Variants in NOL4 observed in about 807,000 individuals in gnomAD.
The protein encoded by NOL4 is cancer/testis antigen 125.
In NOL4, 17 loss-of-function variants were observed where a neutral mutation model predicts 75.9. The ratio of observed to expected loss-of-function variants is 0.22; its 90% CI spans 0.15 to 0.34. NOL4 has a LOEUF of 0.34. Ranked by LOEUF, NOL4 falls within the 10% of genes least tolerant of loss-of-function variation. The probability of loss-of-function intolerance (pLI) is 1.00; values close to 1 mark genes in which losing one functional copy is unlikely to be tolerated. For missense variants in NOL4, 614 were observed against 793.5 expected, an observed-to-expected ratio of 0.77 and a Z score of 2.72; for synonymous variants, 292 against 289.9, an observed-to-expected ratio of 1.01 and a Z score of -0.07.
At chr18:34,144,847 A>C (rs1332244747) in intron 1 of NOL4, among the ~76,000 whole-genome samples, 1 of 151,968 alleles carries the variant, frequency 6.6e-6, no homozygotes, top group Non-Finnish European at 1.5e-5. Flanking sequence ...GTTCTCCATG[A>C]CTCTTCTCCT....
At chr18:34,094,643 A>T (rs901834866) in intron 4 of NOL4, among the ~76,000 whole-genome samples, 1 of 152,222 alleles carries the variant, frequency 6.6e-6, no homozygotes, top group Non-Finnish European at 1.5e-5. Context: ...AAACCTGTGC[A>T]AAATGTAAAT....
chr18:33,961,513 C>T (rs1397786144), intron 6 of NOL4, among the ~76,000 whole-genome samples: 1 of 152,078 alleles, frequency 6.6e-6, no homozygotes, highest in African/African-American at 2.4e-5. Flanking sequence ...GGATATTCAG[C>T]TTGCAGATAG....
In NOL4 at chr18:34,093,867, G is replaced by A. The variant is rs375372800; in HGVS notation, c.640-270C>T. Among the ~76,000 whole-genome samples, 10 of 151,982 alleles carry A rather than the reference G, an allele frequency of 6.6e-5. 1 individual carries two copies. The East Asian group carries it at 7.8e-4, about 12-fold the overall frequency. On this transcript the variant is annotated intron_variant, in intron 4 of 10. Coordinates refer to ENST00000261592, the MANE Select transcript of NOL4 (RefSeq NM_003787.5). ...ATCCTGGCTAACACGGTGAAACCCCGTCTCTACTAAAAATACAGAAAGAAA... is the reference window on the plus strand; with the variant it reads ...ATCCTGGCTAACACGGTGAAACCCCATCTCTACTAAAAATACAGAAAGAAA...
intron 9 of NOL4, among the ~76,000 whole-genome samples, chr18:33,909,444 C>T (rs550491249): frequency 3.3e-5 from 5 of 152,278 alleles, no homozygotes; most frequent in African/African-American, 7.2e-5. Context: ...ACATATCCCA[C>T]GATTACTTCC....
chr18:33,977,690 T>C (rs1304650983), intron 6 of NOL4, among the ~76,000 whole-genome samples: 2 of 152,198 alleles, frequency 1.3e-5, no homozygotes, highest in Non-Finnish European at 2.9e-5. Flanking sequence ...TAATATCTGG[T>C]TTGATATTTA....
intron 5 of NOL4, among the ~76,000 whole-genome samples, chr18:34,066,701 A>C (rs1033632621): frequency 6.6e-6 from 1 of 151,468 alleles, no homozygotes; most frequent in Non-Finnish European, 1.5e-5. Flanking sequence ...AAAAAAAAAA[A>C]CAACACTGAA....
chr18:33,914,600 T>C (rs2066603989), intron 9 of NOL4, among the ~76,000 whole-genome samples: 1 of 152,032 alleles, frequency 6.6e-6, no homozygotes, highest in Non-Finnish European at 1.5e-5. Flanking sequence ...ATAATTCAGA[T>C]GAGTCATGAT....
At chr18:34,156,927 C>T (rs2030517311) in intron 1 of NOL4, 1 of 152,250 alleles carries the variant, frequency 6.6e-6, no homozygotes, top group African/African-American at 2.4e-5. Context: ...CTCACTACAC[C>T]CCACTGTCCC....
intron 1 of NOL4, among the ~76,000 whole-genome samples, chr18:34,188,414 C>T (rs1326137172): frequency 1.3e-5 from 2 of 152,094 alleles, no homozygotes; most frequent in Non-Finnish European, 2.9e-5. Context: ...TATAGTGGGG[C>T]TATGTCCCAA....
chr18:33,884,485 G>A (rs1196913389), intron 9 of NOL4, among the ~76,000 whole-genome samples: 3 of 151,952 alleles, frequency 2.0e-5, no homozygotes, highest in East Asian at 3.9e-4. Context: ...GAAATAAAAC[G>A]TTTAAATTGC....
chr18:34,134,317 G>A (rs1350871879), intron 1 of NOL4, among the ~76,000 whole-genome samples: 1 of 151,612 alleles, frequency 6.6e-6, no homozygotes, highest in Non-Finnish European at 1.5e-5. Context: ...GTATGCTCAA[G>A]AGCAACCACT....
intron 5 of NOL4, among the ~76,000 whole-genome samples, chr18:34,025,798 C>A (rs535973611): frequency 6.6e-6 from 1 of 152,110 alleles, no homozygotes; most frequent in South Asian, 2.1e-4. Context: ...GGAGTTTGTG[C>A]GGAGAGAGAA....
intron 1 of NOL4, among the ~76,000 whole-genome samples, chr18:34,193,195 G>T (rs529263982): frequency 1.3e-5 from 2 of 152,006 alleles, no homozygotes; most frequent in East Asian, 3.9e-4. Flanking sequence ...TATGACATTA[G>T]TCTGGACAAT....
intron 1 of NOL4, among the ~76,000 whole-genome samples, chr18:34,154,503 A>C (rs1451339625): frequency 2.0e-5 from 3 of 152,008 alleles, no homozygotes; most frequent in African/African-American, 7.2e-5. Flanking sequence ...TACATGCTGT[A>C]GTGTGTAGAA....
At chr18:33,991,787 C>T (rs542610773) in intron 6 of NOL4, among the ~76,000 whole-genome samples, 2 of 151,928 alleles carry the variant, frequency 1.3e-5, no homozygotes, top group Non-Finnish European at 2.9e-5. Context: ...CCACACATAG[C>T]CAGTGGTGGC....
chr18:33,882,805 C>T (rs1469289274), intron 10 of NOL4, among the ~76,000 whole-genome samples: 1 of 151,846 alleles, frequency 6.6e-6, no homozygotes, highest in Non-Finnish European at 1.5e-5. Context: ...TGGAACCAAC[C>T]CAAATGTCCA....
intron 6 of NOL4, among the ~76,000 whole-genome samples, chr18:33,988,488 G>A (rs1397339882): frequency 6.6e-6 from 1 of 152,102 alleles, no homozygotes; most frequent in African/African-American, 2.4e-5. Context: ...AGAAGATGCA[G>A]GAGAGGTGGG....
chr18:33,995,326 T>C (rs1291402069), intron 6 of NOL4, among the ~76,000 whole-genome samples: 1 of 151,638 alleles, frequency 6.6e-6, no homozygotes, highest in Non-Finnish European at 1.5e-5. Context: ...TAAAGACTAC[T>C]ATTTTTTATA....
intron 5 of NOL4, among the ~76,000 whole-genome samples, chr18:34,046,935 G>A (rs2076406913): frequency 6.6e-6 from 1 of 151,778 alleles, no homozygotes; most frequent in Non-Finnish European, 1.5e-5. Flanking sequence ...CACCAAAAAG[G>A]TTGTTGGAAT....
Sources: allele counts gnomAD v4.1 joint callset (sites outside exome capture counted in the v4.1 genomes callset), GRCh38; gene constraint gnomAD v4.1.1; transcripts MANE v1.5; gene names NCBI Gene and HGNC (gene_info 2026-07-23, HGNC 2026-07-21).